GOLGA1: variants seen among roughly 807,000 people sequenced by gnomAD.
The protein encoded by GOLGA1 is golgin A1, also known as golgin subfamily A member 1.
In GOLGA1, 63 loss-of-function variants were observed where a neutral mutation model predicts 119.7. The observed-to-expected ratio is 0.53, with a 90% CI of 0.43 to 0.65. The LOEUF is 0.65. Among genes scored for constraint, GOLGA1 ranks in the 30% least tolerant of loss-of-function variants. The probability of loss-of-function intolerance (pLI) is 0.00; values close to 1 mark genes in which losing one functional copy is unlikely to be tolerated. For missense variants in GOLGA1, 798 were observed against 912.8 expected (o/e 0.87, Z 1.62); for synonymous variants, 318 against 333.4 (o/e 0.95, Z 0.50).
intron 15 of GOLGA1, among the ~76,000 whole-genome samples, chr9:124,891,160 C>G (rs1403773584): frequency 6.6e-6 from 1 of 152,172 alleles, no homozygotes; most frequent in East Asian, 1.9e-4. Context: ...AGAACTGAGT[C>G]TCTGTGGCTC....
intron 10 of GOLGA1, among the ~76,000 whole-genome samples, chr9:124,915,825 AG>A (rs1283227169): frequency 6.6e-6 from 1 of 151,144 alleles, no homozygotes; most frequent in Non-Finnish European, 1.5e-5. Context: ...AATAAATGGC[AG>A]GGCGTGGTGG....
At chr9:124,924,285 TA>T (rs1261087459) in intron 7 of GOLGA1, among the ~76,000 whole-genome samples, 5 of 150,876 alleles carry the variant, frequency 3.3e-5, no homozygotes, top group Admixed American at 6.6e-5. Context: ...GTTAACAAGC[TA>T]AAAAAAAGAA....
intron 7 of GOLGA1, among the ~76,000 whole-genome samples, chr9:124,925,744 A>C (rs1403702410): frequency 6.6e-6 from 1 of 152,174 alleles, no homozygotes; most frequent in Non-Finnish European, 1.5e-5. Context: ...TCTCAGCTTG[A>C]TAATCAGATT....
intron 10 of GOLGA1, among the ~76,000 whole-genome samples, chr9:124,914,148 A>G (rs1830392037): frequency 1.3e-5 from 2 of 152,194 alleles, no homozygotes; most frequent in Non-Finnish European, 1.5e-5. Context: ...AGCAATAGTT[A>G]TAACTGTAAT....
At chr9:124,918,825 T>G (rs987886374) in intron 10 of GOLGA1, among the ~76,000 whole-genome samples, 1 of 152,122 alleles carries the variant, frequency 6.6e-6, no homozygotes, top group African/African-American at 2.4e-5. Flanking sequence ...TGACCCCAAA[T>G]GTACTCTCTG....
chr9:124,920,488 G>A (rs955392244), intron 10 of GOLGA1, among the ~76,000 whole-genome samples: 6 of 151,978 alleles, frequency 3.9e-5, no homozygotes, highest in African/African-American at 1.2e-4. Flanking sequence ...ACAAATGTAT[G>A]TCAATGAAAT....
chr9:124,929,361 A>C, intron 4 of GOLGA1, 71 bp from the exon 5 acceptor site: 1 of 879,752 alleles, frequency 1.1e-6, no homozygotes, highest in South Asian at 1.4e-5. Context: ...TTAAACAAAA[A>C]AATGAATGGA....
chr9:124,919,291 C>T (rs1157441956), intron 10 of GOLGA1, among the ~76,000 whole-genome samples: 2 of 152,056 alleles, frequency 1.3e-5, no homozygotes, highest in Non-Finnish European at 1.5e-5. Context: ...AAAGAAAAAC[C>T]TAGTTCACTT....
chr9:124,923,654 CT>C (rs748214751), intron 7 of GOLGA1, among the ~76,000 whole-genome samples: 435 of 142,080 alleles, frequency 3.1e-3, no homozygotes, highest in Middle Eastern at 3.7e-3. Flanking sequence ...TTACGTAGAA[CT>C]TTTTTTTTTT....
chr9:124,890,583 C>T (rs1006225986), intron 15 of GOLGA1, 105 bp from the exon 16 acceptor site: 1 of 828,468 alleles, frequency 1.2e-6, no homozygotes, highest in African/African-American at 1.7e-5. Flanking sequence ...CAGAGCCAGA[C>T]CAACATGCTC....
chr9:124,945,128 G>A (rs1184064527), upstream of GOLGA1: 1 of 152,160 alleles, frequency 6.6e-6, no homozygotes, highest in South Asian at 2.1e-4. Context: ...TATAGTCTAT[G>A]ATGAAATTTA....
At chr9:124,885,776 A>C (rs1377961894) in intron 19 of GOLGA1, among the ~76,000 whole-genome samples, 1 of 152,122 alleles carries the variant, frequency 6.6e-6, no homozygotes, top group Non-Finnish European at 1.5e-5. Context: ...GAGGGGCCAC[A>C]CCACACAGGG....
At chr9:124,914,357 C>T (rs1276759928) in intron 10 of GOLGA1, among the ~76,000 whole-genome samples, 2 of 152,064 alleles carry the variant, frequency 1.3e-5, no homozygotes, top group Admixed American at 6.6e-5. Context: ...CAAAATTAGC[C>T]GGACGTGGTG....
chr9:124,889,170 G>A lies in GOLGA1; in HGVS notation c.1734C>T (p.Ala578=), dbSNP rs34090990. 9,388 of 1,611,718 alleles carry A rather than the reference G, an allele frequency of 5.8e-3. 375 individuals are homozygous for A. In the African/African-American group the frequency reaches 0.096, roughly 17 times the overall value. ...DLLRLRGPLQ[A]EALSVNESHV... ...GCGACTCATTGACTGAGAGTGCTTC[G>A]GCCTGCAATGGGCCCCGCAGCCTCA... Residue 578 remains alanine (A), a synonymous_variant, in exon 18 of 23, where the codon GCC becomes GCT. Transcript: ENST00000373555.
chr9:124,912,952 C>T (rs754412549), intron 10 of GOLGA1, among the ~76,000 whole-genome samples: 7 of 152,150 alleles, frequency 4.6e-5, no homozygotes, highest in Non-Finnish European at 8.8e-5. Flanking sequence ...TCCATTCTCA[C>T]ACTGCTATAA....
chr9:124,916,716 T>A (rs192156284), intron 10 of GOLGA1, among the ~76,000 whole-genome samples: 26 of 150,980 alleles, frequency 1.7e-4, no homozygotes, highest in South Asian at 6.3e-4. Flanking sequence ...TATAAAAAAA[T>A]TTTTTTTTAA....
At chr9:124,932,939 G>A (rs1001846995) in intron 3 of GOLGA1, among the ~76,000 whole-genome samples, 2 of 152,042 alleles carry the variant, frequency 1.3e-5, no homozygotes, top group Admixed American at 1.3e-4. Context: ...TCTCGGAGAC[G>A]ATTCACCTCC....
intron 15 of GOLGA1, among the ~76,000 whole-genome samples, chr9:124,895,302 CTCCACAACAGAGAACCA>C (rs1306294422): frequency 2.7e-5 from 4 of 146,558 alleles, no homozygotes; most frequent in South Asian, 2.2e-4. Context: ...ACAGAGAACC[CTCCACAACAGAGAACCA>C]TCCACAACAG....
At chr9:124,921,621 G>C in intron 9 of GOLGA1, 102 bp downstream of exon 9, 2 of 929,424 alleles carry the variant, frequency 2.2e-6, no homozygotes, top group Non-Finnish European at 3.4e-6. Context: ...GCCAGCACCG[G>C]AATCAGAAAG....
Sources: gnomAD v4.1 joint callset for allele counts (sites outside exome capture counted in the v4.1 genomes callset) on GRCh38, gnomAD v4.1.1 for gene constraint, MANE v1.5 for transcripts, NCBI Gene and HGNC (gene_info 2026-07-23, HGNC 2026-07-21) for gene names.